The following AGPAT3 variants were observed in gnomAD, a reference collection of about 807,000 sequenced individuals.
AGPAT3 encodes the protein 1-acylglycerol-3-phosphate O-acyltransferase 3.
Under a neutral mutation model 47.3 loss-of-function variants are expected in AGPAT3, and 5 were observed. The ratio of observed to expected loss-of-function variants is 0.11; its 90% CI spans 0.06 to 0.22. The LOEUF (loss-of-function observed/expected upper bound fraction) is 0.22. Ranked by LOEUF, AGPAT3 falls within the 10% of genes least tolerant of loss-of-function variation. AGPAT3 has a pLI of 1.00. For missense variants in AGPAT3, 315 were observed against 493.0 expected (o/e 0.64, Z 3.42); for synonymous variants, 212 against 208.3 (o/e 1.02, Z -0.15).
At chr21:43,977,522 G>A (rs1229155220) in intron 7 of AGPAT3, among the ~76,000 whole-genome samples, 11 of 152,046 alleles carry the variant, frequency 7.2e-5, no homozygotes, top group Admixed American at 5.9e-4. Flanking sequence ...GCCATGCCAC[G>A]CTGACTGTGT....
chr21:43,870,663 A>G (rs1054821966), intron 1 of AGPAT3, among the ~76,000 whole-genome samples: 3 of 152,220 alleles, frequency 2.0e-5, no homozygotes, highest in Non-Finnish European at 4.4e-5. Context: ...CGGACCTTGC[A>G]GTGAGCTGAG....
At chr21:43,977,174 A>C (rs183314477) in intron 7 of AGPAT3, among the ~76,000 whole-genome samples, 1 of 152,292 alleles carries the variant, frequency 6.6e-6, no homozygotes, top group East Asian at 1.9e-4. Flanking sequence ...ATTAGCACTT[A>C]ATCTTGGTAG....
intron 2 of AGPAT3, among the ~76,000 whole-genome samples, chr21:43,926,074 A>T (rs1468739416): frequency 6.6e-6 from 1 of 152,260 alleles, no homozygotes; most frequent in Non-Finnish European, 1.5e-5. Flanking sequence ...ACACATCGTT[A>T]AAGTTAATTC....
chr21:43,929,780 G>A (rs558679249), intron 2 of AGPAT3, among the ~76,000 whole-genome samples: 37 of 152,336 alleles, frequency 2.4e-4, no homozygotes, highest in East Asian at 9.6e-4. Flanking sequence ...TGTGGGGCCC[G>A]TGAGTGCTGG....
At chr21:43,957,337 G>T (rs377476204) in intron 2 of AGPAT3, among the ~76,000 whole-genome samples, 1 of 152,172 alleles carries the variant, frequency 6.6e-6, no homozygotes, top group South Asian at 2.1e-4. Flanking sequence ...AACAGGGGCC[G>T]CCCTGGGAAT....
intron 3 of AGPAT3, chr21:43,964,889 CA>C (rs2089048768): frequency 6.5e-6 from 1 of 152,834 alleles, no homozygotes; most frequent in Admixed American, 6.5e-5. Flanking sequence ...TTTGCCAGTT[CA>C]GGGGCGCATG....
At chr21:43,950,448 G>A (rs2088136352) in intron 2 of AGPAT3, among the ~76,000 whole-genome samples, 1 of 152,170 alleles carries the variant, frequency 6.6e-6, no homozygotes, top group Non-Finnish European at 1.5e-5. Flanking sequence ...ACTGAAATTT[G>A]CCCTTTAAAC....
chr21:43,878,092 C>G (rs929186456), intron 1 of AGPAT3, among the ~76,000 whole-genome samples: 1 of 152,160 alleles, frequency 6.6e-6, no homozygotes, highest in African/African-American at 2.4e-5. Context: ...GCGCTTTCCC[C>G]GCCACTGCTT....
At chr21:43,940,909 CT>C (rs1206273156) in intron 2 of AGPAT3, among the ~76,000 whole-genome samples, 1 of 152,230 alleles carries the variant, frequency 6.6e-6, no homozygotes, top group Non-Finnish European at 1.5e-5. Flanking sequence ...ATTTCAGAGA[CT>C]CGGTCCCAAC....
chr21:43,968,917 T>C (rs937152932), intron 4 of AGPAT3, among the ~76,000 whole-genome samples: 2 of 152,108 alleles, frequency 1.3e-5, no homozygotes, highest in Admixed American at 6.5e-5. Flanking sequence ...CAGCCAAGCC[T>C]GAGCCTCAGT....
chr21:43,981,925 A>G lies in AGPAT3; in HGVS notation c.1043-379A>G, dbSNP rs1208525897. Among the ~76,000 whole-genome samples, 2 of 152,140 alleles carry G rather than the reference A, an allele frequency of 1.3e-5. No individual in the cohort carries two copies. The highest frequency in any genetic ancestry group is 2.9e-5 in the Non-Finnish European group (2 of 68,024). On this transcript the variant is annotated intron_variant, in intron 9 of 9. Coordinates refer to ENST00000291572, the MANE Select transcript of AGPAT3 (RefSeq NM_020132.5). This position sits in a 1 kb window ranked among gnomAD's most constrained non-coding sequence, Gnocchi z 5.3. ...GGCCACCCACAGAGGACAGGATGTG[A>G]CCTGCTTACATCCGAGGGTCCTGCT...
Position 43,981,322 on chromosome 21 carries a change from T to C in AGPAT3, c.1042+135T>C. 4.1e-6 allele frequency: 4 copies of C among 979,150 alleles called. No individual in the cohort carries two copies. The Admixed American group carries it at 8.4e-5, about 21-fold the overall frequency. 60.7% of individuals were successfully genotyped at this position (979,150 alleles called of 1,614,324 possible). A position where few individuals can be genotyped will look rare whatever the true frequency, so the allele number is the denominator to read the frequency against. On this transcript the variant is annotated intron_variant, in intron 9 of 9. Transcript: ENST00000291572. The surrounding 1 kb of genome is among the most constrained non-coding windows in gnomAD (Gnocchi z 5.3). ...GCTGTTATGGACCCTGGAGCCAGGA[T>C]CCCCCCACGGCCTGCGGGCCTCAGA...
At position 43,987,513 on chromosome 21, in the gene AGPAT3, A is replaced by G. The variant is rs901816193; in HGVS notation, c.*5121A>G. Among the ~76,000 whole-genome samples the G allele has an allele frequency of 6.6e-6, 1 of 152,218 alleles. No individual in the cohort carries two copies. The highest frequency in any genetic ancestry group is 1.5e-5 in the Non-Finnish European group (1 of 68,026). On this transcript the variant is annotated 3_prime_UTR_variant, in exon 10 of 10. Coordinates refer to ENST00000291572, the MANE Select transcript of AGPAT3 (RefSeq NM_020132.5). ...AAAACTACTCTTTTTTTGTAAAAAC[A>G]TTCATCTGTGGAGAAAACCAAGGAA...
chr21:43,887,377 G>A (rs2086003732), intron 1 of AGPAT3, among the ~76,000 whole-genome samples: 1 of 152,204 alleles, frequency 6.6e-6, no homozygotes, highest in Non-Finnish European at 1.5e-5. Context: ...CTATCTCAGT[G>A]TTTCTGGGAC....
chr21:43,907,683 C>G (rs991860391), intron 2 of AGPAT3, among the ~76,000 whole-genome samples: 11 of 152,334 alleles, frequency 7.2e-5, no homozygotes, highest in East Asian at 1.9e-4. Context: ...CGCCACTGCA[C>G]TCCAGCCTGG....
At chr21:43,929,789 G>C (rs993488623) in intron 2 of AGPAT3, among the ~76,000 whole-genome samples, 1 of 152,232 alleles carries the variant, frequency 6.6e-6, no homozygotes, top group African/African-American at 2.4e-5. Context: ...CGTGAGTGCT[G>C]GGCCTTGACC....
At chr21:43,926,537 C>T (rs970311268) in intron 2 of AGPAT3, among the ~76,000 whole-genome samples, 1 of 152,030 alleles carries the variant, frequency 6.6e-6, no homozygotes, top group African/African-American at 2.4e-5. Context: ...GAGAGGAGCC[C>T]CCAGCCCCCA....
chr21:43,971,728 G>C (rs963199650), intron 7 of AGPAT3, among the ~76,000 whole-genome samples: 1 of 152,260 alleles, frequency 6.6e-6, no homozygotes, highest in Non-Finnish European at 1.5e-5. Flanking sequence ...CACGGGGGAT[G>C]TGTGGGGAGA....
At position 43,983,849 on chromosome 21, in the gene AGPAT3, T is replaced by G. The variant is rs1260440554; in HGVS notation, c.*1457T>G. 2 of 152,270 alleles carry G rather than the reference T, an allele frequency of 1.3e-5. No homozygotes were observed. Among genetic ancestry groups the G allele is most frequent in the Non-Finnish European group, 2.9e-5 (2 of 68,042 alleles). The allele number at this position is 152,270 out of a possible 1,614,324, so 9.4% of individuals were successfully genotyped here. ...AAAATGGGTGTTATCTCTGATATCT[T>G]GAAACCAGCGTTCTGAATAGAGGTA... is the stretch of plus-strand genomic sequence containing the variant. On this transcript the variant is annotated 3_prime_UTR_variant, in exon 10 of 10. Transcript: ENST00000291572.
Sources: allele counts gnomAD v4.1 joint callset (sites outside exome capture counted in the v4.1 genomes callset), GRCh38; gene constraint gnomAD v4.1.1; non-coding constraint Gnocchi (gnomAD v3.1); transcripts MANE v1.5; gene names NCBI Gene and HGNC (gene_info 2026-07-23, HGNC 2026-07-21).